The following GLIPR1 variants were observed in gnomAD, a reference collection of about 807,000 sequenced individuals.
The protein encoded by GLIPR1 is glioma pathogenesis-related protein 1.
GLIPR1 carries 38 observed loss-of-function variants against 30.3 expected under a neutral mutation model. That is an observed-to-expected ratio of 1.26 (90% CI 0.97 to 1.65). The LOEUF is 1.65. GLIPR1 is among the 40% of genes most tolerant of loss of function. The pLI, the probability that GLIPR1 is intolerant of heterozygous loss-of-function variation, is 0.00. For missense variants in GLIPR1, 285 were observed against 326.5 expected, an observed-to-expected ratio of 0.87 and a Z score of 0.98; for synonymous variants, 122 against 110.6, an observed-to-expected ratio of 1.10 and a Z score of -0.65.
At chr12:75,481,214 G>T in intron 1 of GLIPR1, 160 bp downstream of exon 1, 1 of 525,174 alleles carries the variant, frequency 1.9e-6, no homozygotes, top group East Asian at 3.2e-5. Context: ...ATCCAGTTTA[G>T]CTCTGTCTAC....
intron 2 of GLIPR1, chr12:75,483,822 A>G (rs1269950703): frequency 6.6e-6 from 1 of 152,236 alleles, no homozygotes; most frequent in Non-Finnish European, 1.5e-5. Context: ...TACAATGTGT[A>G]TGAATGGGCC....
intron 3 of GLIPR1, chr12:75,491,102 T>C (rs2046321265): frequency 6.6e-6 from 1 of 152,226 alleles, no homozygotes; most frequent in Non-Finnish European, 1.5e-5. Context: ...ACATTTTCTA[T>C]TTTTCACTTA....
At chr12:75,494,883 T>C (rs374101741) in intron 3 of GLIPR1, 3 of 152,232 alleles carry the variant, frequency 2.0e-5, no homozygotes, top group South Asian at 4.1e-4. Context: ...ATAATGGGTA[T>C]AAATAGACAA....
At chr12:75,481,357 C>CTTTTTT (rs72137011) in intron 1 of GLIPR1, 6 of 144,358 alleles carry the variant, frequency 4.2e-5, no homozygotes, top group South Asian at 2.1e-4. Context: ...ATTTGGTTTT[C>CTTTTTT]TTTTTTTTTT....
chr12:75,485,132 C>T (rs1187030742), intron 2 of GLIPR1, among the ~76,000 whole-genome samples: 3 of 152,232 alleles, frequency 2.0e-5, no homozygotes, highest in African/African-American at 7.2e-5. Context: ...CAACCTCCTA[C>T]TTATCCTCAT....
intron 2 of GLIPR1, among the ~76,000 whole-genome samples, chr12:75,485,567 T>TATTTTTC (rs1566095822): frequency 6.6e-6 from 1 of 151,136 alleles, no homozygotes; most frequent in Non-Finnish European, 1.5e-5. Context: ...ATTTATTTTT[T>TATTTTTC]TGAGACGGAG....
rs923098635 is a variant in GLIPR1, at chr12:75,480,907, C to T, written c.27C>T (p.Ala9=). The T allele has an allele frequency of 6.2e-7, 1 of 1,613,454 alleles. No individual in the cohort carries two copies. The highest frequency in any genetic ancestry group is 1.3e-5 in the African/African-American group (1 of 75,032). Residue 9 remains alanine (A), a synonymous_variant, in exon 1 of 6, where the codon GCC becomes GCT. Transcript: ENST00000266659. ...TGCGTGTCACACTTGCTACAATAGCCTGGATGGTTTCTTTTGTCTCCAATT... is the reference window on the plus strand; with the variant it reads ...TGCGTGTCACACTTGCTACAATAGCTTGGATGGTTTCTTTTGTCTCCAATT... MRVTLATI[A]WMVSFVSNYS... is the part of the protein sequence containing the mutation.
chr12:75,492,730 C>CA (rs1385055157), intron 3 of GLIPR1: 10 of 152,204 alleles, frequency 6.6e-5, no homozygotes, highest in African/African-American at 2.4e-4. Context: ...TTCATTTATT[C>CA]AACAAATATT....
At chr12:75,497,230 G>A (rs754204424) in intron 4 of GLIPR1, 1 of 152,056 alleles carries the variant, frequency 6.6e-6, no homozygotes, top group Non-Finnish European at 1.5e-5. Flanking sequence ...TAGGCAATTA[G>A]TAACACTACC....
intron 1 of GLIPR1, chr12:75,481,390 C>CT (rs1436079195): frequency 4.5e-5 from 6 of 134,610 alleles, no homozygotes; most frequent in Non-Finnish European, 5.9e-5. Flanking sequence ...TCTAAATTTA[C>CT]TTTTTTTGCT....
chr12:75,485,244 T>C (rs1566095654), intron 2 of GLIPR1, among the ~76,000 whole-genome samples: 2 of 152,198 alleles, frequency 1.3e-5, no homozygotes, highest in East Asian at 3.8e-4. Flanking sequence ...TCACAAAATG[T>C]ATGATATTTC....
chr12:75,483,044 C>T (rs1421250959), intron 2 of GLIPR1, among the ~76,000 whole-genome samples: 4 of 152,100 alleles, frequency 2.6e-5, no homozygotes, highest in African/African-American at 9.7e-5. Context: ...GTAAGAAAAC[C>T]TCCCTTACTC....
At chr12:75,481,146 AT>A (rs200986148) in intron 1 of GLIPR1, 92 bp downstream of exon 1, 605 of 873,594 alleles carry the variant, frequency 6.9e-4, no homozygotes, top group East Asian at 1.0e-3. Flanking sequence ...ATACTGAATG[AT>A]TTTTTTTTCA....
rs2046371583 is a variant in GLIPR1 at position 75,499,049 on chromosome 12, A to C, written c.*71A>C. 2 of 946,250 alleles carry C rather than the reference A, an allele frequency of 2.1e-6. No homozygotes were observed. The highest frequency in any genetic ancestry group is 5.1e-5 in the East Asian group (2 of 39,244). 58.6% of individuals were successfully genotyped at this position (946,250 alleles called of 1,614,324 possible). A position where few individuals can be genotyped will look rare whatever the true frequency, so the allele number is the denominator to read the frequency against. ...ATGGCTTTTTTTTTAACCAATAACA[A>C]TTAGGTGTACTTCTATTTTAAAACA... On this transcript the variant is annotated 3_prime_UTR_variant, in exon 6 of 6. Coordinates refer to ENST00000266659, the MANE Select transcript of GLIPR1 (RefSeq NM_006851.3).
intron 2 of GLIPR1, chr12:75,484,308 T>C (rs1480695627): frequency 6.6e-6 from 1 of 152,164 alleles, no homozygotes; most frequent in Non-Finnish European, 1.5e-5. Flanking sequence ...TAAATGGGCA[T>C]AGTGTTTAGC....
rs747547186 is a variant in GLIPR1 at position 75,500,002 on chromosome 12, A to AAAAC, written c.*1028_*1031dup. 37 of 1,399,270 alleles carry AAAAC rather than the reference A, an allele frequency of 2.6e-5. No homozygotes were observed. In the Middle Eastern group the frequency reaches 5.6e-4, roughly 21 times the overall value. The allele number at this position is 1,399,270 out of a possible 1,614,324, so 86.7% of individuals were successfully genotyped here. A position where few individuals can be genotyped will look rare whatever the true frequency, so the allele number is the denominator to read the frequency against. On this transcript the variant is annotated 3_prime_UTR_variant, in exon 6 of 6. Transcript: ENST00000266659. ...TGTAATACTTTAGATTTTACCAAGT[A>AAAAC]AAACAAAGAATATATGTTTAACAAA...
In GLIPR1 at chr12:75,501,679, C is replaced by T. The variant is rs1180680138; in HGVS notation, c.*2701C>T. 1.6e-6 allele frequency: 2 copies of T among 1,284,808 alleles called. No homozygotes were observed. Among genetic ancestry groups the T allele is most frequent in the Non-Finnish European group, 1.1e-6 (1 of 898,602 alleles). The allele number at this position is 1,284,808 out of a possible 1,614,324, so 79.6% of individuals were successfully genotyped here. ...TTCAGACAAATTTATTATGGGTTTA[C>T]TTTTCCTAATTAATAAAGACTTTTA... On this transcript the variant is annotated 3_prime_UTR_variant, in exon 6 of 6. Coordinates refer to ENST00000266659, the MANE Select transcript of GLIPR1 (RefSeq NM_006851.3).
intron 1 of GLIPR1, among the ~76,000 whole-genome samples, chr12:75,481,632 C>T (rs1291296418): frequency 6.6e-6 from 1 of 152,160 alleles, no homozygotes; most frequent in Non-Finnish European, 1.5e-5. Flanking sequence ...GTTTTCCTCA[C>T]TTAGATTCTA....
At chr12:75,485,564 T>TATTTATTTATTTATTTA (rs71078738) in intron 2 of GLIPR1, among the ~76,000 whole-genome samples, 18 of 148,892 alleles carry the variant, frequency 1.2e-4, no homozygotes, top group South Asian at 2.1e-4. Flanking sequence ...TTTATTTATT[T>TATTTATTTATTTATTTA]TTTTGAGACG....
Sources: allele counts gnomAD v4.1 joint callset (sites outside exome capture counted in the v4.1 genomes callset), GRCh38; gene constraint gnomAD v4.1.1; transcripts MANE v1.5; gene names NCBI Gene and HGNC (gene_info 2026-07-23, HGNC 2026-07-21).